WWOX: variants seen among roughly 807,000 people sequenced by gnomAD.
WWOX encodes WW domain-containing oxidoreductase.
WWOX carries 69 observed loss-of-function variants against 46.2 expected under a neutral mutation model. The observed-to-expected ratio is 1.49, with a 90% CI of 1.23 to 1.82. The LOEUF (loss-of-function observed/expected upper bound fraction) is 1.82. Among genes scored for constraint, WWOX ranks in the 40% most tolerant of loss-of-function variants. The pLI, the probability that WWOX is intolerant of heterozygous loss-of-function variation, is 0.00. For synonymous variants in WWOX, 359 were observed against 202.6 expected, an observed-to-expected ratio of 1.77 and a Z score of -6.56; for missense variants, 919 against 542.6, an observed-to-expected ratio of 1.69 and a Z score of -6.89.
At chr16:78,688,080 A>G (rs912588398) in intron 8 of WWOX, among the ~76,000 whole-genome samples, 1 of 147,580 alleles carries the variant, frequency 6.8e-6, no homozygotes, top group Non-Finnish European at 1.5e-5. Flanking sequence ...GCCACAATTC[A>G]AATTCACAGA....
At chr16:78,920,317 A>G (rs1193362229) in intron 8 of WWOX, among the ~76,000 whole-genome samples, 1 of 152,190 alleles carries the variant, frequency 6.6e-6, no homozygotes, top group African/African-American at 2.4e-5. Context: ...TAATCTCCCC[A>G]TAGCTGGAGA....
intron 8 of WWOX, among the ~76,000 whole-genome samples, chr16:78,452,878 T>TATATATATATATATATATATAC (rs752791786): frequency 0.025 from 3,562 of 142,740 alleles, 63 homozygotes; most frequent in East Asian, 0.06. Context: ...TATATATATA[T>TATATATATATATATATATATAC]ATACATATTT....
rs190573810 is a variant in WWOX at position 78,768,316 on chromosome 16, G to A, written c.1056+335564G>A. On this transcript the variant is annotated intron_variant, in intron 8 of 8. Coordinates refer to ENST00000566780, the MANE Select transcript of WWOX (RefSeq NM_016373.4). ...AAAAAAAAAAGTTGCCTGGCTTGGTGCAGTGGCTCATGCATGTACTCCCAG... is the reference window on the plus strand; with the variant it reads ...AAAAAAAAAAGTTGCCTGGCTTGGTACAGTGGCTCATGCATGTACTCCCAG... Among the ~76,000 whole-genome samples the A allele has an allele frequency of 2.1e-3, 287 of 139,638 alleles. 1 individual carries two copies. The highest frequency in any genetic ancestry group is 7.3e-3 in the African/African-American group (279 of 38,310). 91.6% of individuals were successfully genotyped at this position (139,638 alleles called of 152,430 possible).
At chr16:78,814,116 A>G (rs942433408) in intron 8 of WWOX, among the ~76,000 whole-genome samples, 2 of 152,320 alleles carry the variant, frequency 1.3e-5, no homozygotes, top group Admixed American at 6.5e-5. Context: ...ACAGTGTGTC[A>G]TTGCAGGAGA....
chr16:78,285,481 G>A (rs752556055), intron 5 of WWOX, among the ~76,000 whole-genome samples: 5 of 151,954 alleles, frequency 3.3e-5, no homozygotes, highest in Admixed American at 2.6e-4. Context: ...GAGGGATTAC[G>A]ACCCTCATGT....
Position 78,657,152 on chromosome 16 carries a change from A to G in WWOX, c.1056+224400A>G, listed in dbSNP as rs1205809249. On this transcript the variant is annotated intron_variant, in intron 8 of 8. Transcript: ENST00000566780. ...CCTGCGTCACCTTCACCACCACCCA[A>G]TGTGTCCTGCTCATCACTGAGGTTT... 4.6e-5 allele frequency among the ~76,000 whole-genome samples: 7 copies of G among 152,020 alleles called. No individual in the cohort carries two copies. The East Asian group carries it at 5.8e-4, about 13-fold the overall frequency.
At chr16:79,012,241 T>C (rs2047325399) in intron 8 of WWOX, among the ~76,000 whole-genome samples, 1 of 152,036 alleles carries the variant, frequency 6.6e-6, no homozygotes, top group Non-Finnish European at 1.5e-5. Flanking sequence ...ACATCTTAAT[T>C]TTTCTTTTTG....
At chr16:79,058,966 A>C (rs1346332007) in intron 8 of WWOX, among the ~76,000 whole-genome samples, 1 of 152,212 alleles carries the variant, frequency 6.6e-6, no homozygotes, top group East Asian at 1.9e-4. Flanking sequence ...TAGCACCTTA[A>C]ATCTGATTTA....
At chr16:78,924,803 G>C (rs1032057162) in intron 8 of WWOX, among the ~76,000 whole-genome samples, 2 of 152,086 alleles carry the variant, frequency 1.3e-5, no homozygotes, top group South Asian at 2.1e-4. Context: ...ATCTCTTTTA[G>C]ACTACTAGTG....
chr16:78,354,385 C>T (rs1200853687), intron 5 of WWOX, among the ~76,000 whole-genome samples: 1 of 141,334 alleles, frequency 7.1e-6, no homozygotes, highest in Admixed American at 7.3e-5. Flanking sequence ...TGTCAAATGA[C>T]TTTCCAGAGG....
chr16:78,372,875 C>T lies in WWOX; in HGVS notation c.517-13985C>T, dbSNP rs112716711. ...TCATGCCTCTCTTTCAGCACAGTAG[C>T]AGCTACTATGAGGCTATTTGGAATA... is the stretch of plus-strand genomic sequence containing the variant. On this transcript the variant is annotated intron_variant, in intron 5 of 8. Coordinates refer to ENST00000566780, the MANE Select transcript of WWOX (RefSeq NM_016373.4). Among the ~76,000 whole-genome samples the T allele has an allele frequency of 2.7e-3, 404 of 152,288 alleles. 3 individuals are homozygous for T. The highest frequency in any genetic ancestry group is 9.5e-3 in the African/African-American group (394 of 41,560).
chr16:78,666,229 T>C (rs893507789), intron 8 of WWOX, among the ~76,000 whole-genome samples: 8 of 152,186 alleles, frequency 5.3e-5, no homozygotes, highest in African/African-American at 1.9e-4. Flanking sequence ...CAAGGCTGTA[T>C]AGTAAACTGT....
intron 8 of WWOX, among the ~76,000 whole-genome samples, chr16:78,935,349 C>A (rs1029873686): frequency 6.6e-6 from 1 of 152,118 alleles, no homozygotes; most frequent in South Asian, 2.1e-4. Context: ...GACTTGGAAC[C>A]AACTCAGATG....
intron 5 of WWOX, among the ~76,000 whole-genome samples, chr16:78,317,689 C>G (rs2080383837): frequency 6.6e-6 from 1 of 152,124 alleles, no homozygotes; most frequent in African/African-American, 2.4e-5. Flanking sequence ...TCTGTTGACT[C>G]TGTCCAGAGA....
At chr16:78,520,030 T>A (rs2043315183) in intron 8 of WWOX, among the ~76,000 whole-genome samples, 1 of 152,204 alleles carries the variant, frequency 6.6e-6, no homozygotes, top group African/African-American at 2.4e-5. Context: ...ACTGTGACCA[T>A]GCAGTCATTT....
At chr16:78,502,681 C>T (rs1309473597) in intron 8 of WWOX, among the ~76,000 whole-genome samples, 3 of 152,174 alleles carry the variant, frequency 2.0e-5, no homozygotes, top group Non-Finnish European at 4.4e-5. Flanking sequence ...ATTCCAATAT[C>T]CTTTGATGAC....
intron 8 of WWOX, among the ~76,000 whole-genome samples, chr16:79,197,894 G>T (rs1016367176): frequency 6.6e-6 from 1 of 152,148 alleles, no homozygotes; most frequent in Non-Finnish European, 1.5e-5. Context: ...CAATCAGCAG[G>T]AAGTTATGCT....
chr16:78,214,745 T>C (rs906670526), intron 5 of WWOX, among the ~76,000 whole-genome samples: 1 of 152,166 alleles, frequency 6.6e-6, no homozygotes, highest in African/African-American at 2.4e-5. Flanking sequence ...CTTCATACTT[T>C]GATTTTATGT....
intron 8 of WWOX, among the ~76,000 whole-genome samples, chr16:79,080,321 C>G: frequency 6.6e-6 from 1 of 151,734 alleles, no homozygotes; most frequent in Non-Finnish European, 1.5e-5. Flanking sequence ...CAATTATTCT[C>G]TTGCCACGAA....
Sources: gnomAD v4.1 joint callset for allele counts (sites outside exome capture counted in the v4.1 genomes callset) on GRCh38, gnomAD v4.1.1 for gene constraint, MANE v1.5 for transcripts, NCBI Gene and HGNC (gene_info 2026-07-23, HGNC 2026-07-21) for gene names.